CCDC88B: variants seen among roughly 807,000 people sequenced by gnomAD.
The protein encoded by CCDC88B is coiled-coil domain-containing protein 88B.
Under a neutral mutation model 183.7 loss-of-function variants are expected in CCDC88B, and 138 were observed. The ratio of observed to expected loss-of-function variants is 0.75; its 90% confidence interval spans 0.65 to 0.87. The LOEUF is 0.87. Among genes scored for constraint, CCDC88B ranks in the 40% least tolerant of loss-of-function variants. The pLI is 0.00. For missense variants in CCDC88B, 1,822 were observed against 1,965.6 expected (o/e 0.93, Z 1.38); for synonymous variants, 835 against 867.5 (o/e 0.96, Z 0.66).
intron 16 of CCDC88B, among the ~76,000 whole-genome samples, chr11:64,350,888 CAA>C (rs2036302208): frequency 6.6e-6 from 1 of 152,040 alleles, no homozygotes; most frequent in African/African-American, 2.4e-5. Context: ...AACAAAAAAC[CAA>C]ATAGTCTTAG....
rs1591302571 is a variant in CCDC88B at position 64,355,572 on chromosome 11, G to A, written c.4319G>A (p.Gly1440Glu). The A allele has an allele frequency of 6.2e-7, 1 of 1,613,128 alleles. No homozygotes were observed. Among genetic ancestry groups the A allele is most frequent in the Non-Finnish European group, 8.5e-7 (1 of 1,179,776 alleles). ...PVSHSKGPGV[G>E]WENSAETLQE... is the part of the protein sequence containing the mutation. ...TTGTGCCTCCCAGGACCTGGTGTGG[G>A]ATGGGAGAACTCCGCTGAGACCCTG... Residue 1440 changes from glycine (G) to glutamate (E), a missense_variant, in exon 26 of 27, where the codon GGA becomes GAA. Physicochemically the swap from Gly to Glu is moderately conservative, Grantham distance 98. Coordinates refer to ENST00000356786, the MANE Select transcript of CCDC88B (RefSeq NM_032251.6).
chr11:64,351,632 G>A lies in CCDC88B; in HGVS notation c.3099+16G>A. On this transcript the variant is annotated intron_variant, in intron 18 of 26. Transcript: ENST00000356786. ...CCGCCTGCAGGTGGGTGGTGGCCCG[G>A]GTGCCCATCCCTGCCCATGTACTGC... is the stretch of plus-strand genomic sequence containing the variant. The A allele has an allele frequency of 6.4e-7, 1 of 1,552,066 alleles. No homozygotes were observed. Among genetic ancestry groups the A allele is most frequent in the Non-Finnish European group, 8.6e-7 (1 of 1,156,642 alleles).
chr11:64,341,258 T>C lies in CCDC88B; in HGVS notation c.389-12T>C. On this transcript the variant is annotated splice_polypyrimidine_tract_variant and intron_variant, in intron 4 of 26. Coordinates refer to ENST00000356786, the MANE Select transcript of CCDC88B (RefSeq NM_032251.6). Reference sequence around the variant, plus strand: ...CCGCCCCAGTTAACCCCTTGTGGCATGTGCCTTGCAGAAGAAGCGGTGGAG... The same window carrying C: ...CCGCCCCAGTTAACCCCTTGTGGCACGTGCCTTGCAGAAGAAGCGGTGGAG... 3 of 1,614,076 alleles carry C rather than the reference T, an allele frequency of 1.9e-6. No homozygotes were observed. Among genetic ancestry groups the C allele is most frequent in the Non-Finnish European group, 2.5e-6 (3 of 1,180,010 alleles).
In CCDC88B at chr11:64,344,729, C is replaced by G. The variant is rs761161366; in HGVS notation, c.2188C>G (p.Leu730Val). 6.2e-7 allele frequency: 1 copy of G among 1,614,096 alleles called. No individual in the cohort carries two copies. Among genetic ancestry groups the G allele is most frequent in the South Asian group, 1.1e-5 (1 of 91,078 alleles). The change falls in exon 14 of 27, where the codon CTC becomes GTC. Residue 730 changes from leucine to valine, a missense_variant. Physicochemically the swap from Leu to Val is conservative, Grantham distance 32. Transcript: ENST00000356786. This position sits in a 1 kb window ranked among gnomAD's most constrained non-coding sequence, Gnocchi z 4.5. Reference protein sequence around the residue: ...LASGVAEQEALREEVAQLRRK... With the variant: ...LASGVAEQEAVREEVAQLRRK... ...CAGTGGTGTCGCAGAGCAGGAGGCC[C>G]TCAGGGAGGAGGTGGCACAGTTGAG...
chr11:64,342,492 C>T (rs773696926), intron 9 of CCDC88B, 30 bp from the exon 10 acceptor site: 2 of 1,527,908 alleles, frequency 1.3e-6, no homozygotes, highest in South Asian at 2.4e-5. Flanking sequence ...CCGCGGCTGG[C>T]TGTTCCCAGC....
rs574835 is a variant in CCDC88B at position 64,343,196 on chromosome 11, G to A, written c.1080G>A (p.Ser360=). ...CCCACCAGGAGGAGCGGGTGCTCTC[G>A]GGGGTGCTGGAGGCGTCCAAGGCGC... ...KSQLEEERVL[S]GVLEASKALL... Residue 360 remains serine (S), a synonymous_variant, in exon 11 of 27, where the codon TCG becomes TCA. Coordinates refer to ENST00000356786, the MANE Select transcript of CCDC88B (RefSeq NM_032251.6). 533,371 of 1,536,714 alleles carry A rather than the reference G, an allele frequency of 0.35. 96,463 individuals are homozygous for A. Among genetic ancestry groups the A allele is most frequent in the Non-Finnish European group, 0.37 (424,300 of 1,140,816 alleles).
At position 64,344,324 on chromosome 11, in the gene CCDC88B, A is replaced by G; in HGVS notation, c.1783A>G (p.Arg595Gly). The G allele has an allele frequency of 5.0e-6, 8 of 1,613,284 alleles. No individual in the cohort carries two copies. Among genetic ancestry groups the G allele is most frequent in the Non-Finnish European group, 6.8e-6 (8 of 1,179,774 alleles). Residue 595 changes from arginine (R) to glycine (G), a missense_variant, in exon 14 of 27, where the codon AGA (arginine) becomes GGA (glycine). Physicochemically the swap from Arg to Gly is moderately radical, Grantham distance 125. Coordinates refer to ENST00000356786, the MANE Select transcript of CCDC88B (RefSeq NM_032251.6). This position sits in a 1 kb window ranked among gnomAD's most constrained non-coding sequence, Gnocchi z 4.5. The stretch of plus-strand genomic sequence containing the variant: ...GGAGTCCCCGGAGAAGGCTGGCCGT[A>G]GATCCTCTCTCCAGAGCCCTGCCTC... ...TQESPEKAGR[R>G]SSLQSPASVA...
At position 64,342,019 on chromosome 11, in the gene CCDC88B, G is replaced by A. The variant is rs999112943; in HGVS notation, c.701G>A (p.Arg234Gln). Residue 234 changes from arginine (R) to glutamine (Q), a missense_variant, in exon 8 of 27, where the codon CGA (arginine) becomes CAA (glutamine). By Grantham distance (43) the Arg-to-Gln change is conservative (BLOSUM62 1). Transcript: ENST00000356786. ...CGGCTGGCTGAACTGCTGCTGGAGC[G>A]AGAACCCCTCTGCTTGAGGCCTGAG... The part of the protein sequence containing the change: ...AQRLAELLLE[R>Q]EPLCLRPEAP... 5.6e-6 allele frequency: 9 copies of A among 1,612,558 alleles called. No homozygotes were observed. The highest frequency in any genetic ancestry group is 6.8e-6 in the Non-Finnish European group (8 of 1,179,684).
Position 64,352,075 on chromosome 11 carries a change from G to T in CCDC88B, c.3100-55G>T. 2.6e-6 allele frequency: 4 copies of T among 1,510,364 alleles called. No homozygotes were observed. The South Asian group carries it at 5.3e-5, about 20-fold the overall frequency. 93.6% of individuals were successfully genotyped at this position (1,510,364 alleles called of 1,614,324 possible). A position where few individuals can be genotyped will look rare whatever the true frequency, so the allele number is the denominator to read the frequency against. On this transcript the variant is annotated intron_variant, in intron 18 of 26. Transcript: ENST00000356786. Reference sequence around the variant, plus strand: ...GCCCTTAGCCCCCCGCCTCTCACTCGATTTCCAGCCAGGGGTTCCTCCCCA... The same window carrying T: ...GCCCTTAGCCCCCCGCCTCTCACTCTATTTCCAGCCAGGGGTTCCTCCCCA...
intron 14 of CCDC88B, chr11:64,349,127 A>T (rs2036227806): frequency 1.4e-6 from 1 of 736,296 alleles, no homozygotes; most frequent in African/African-American, 1.7e-5. Flanking sequence ...TGCCAGGCTT[A>T]CAACACCCAG....
Position 64,355,594 on chromosome 11 carries a change from C to T in CCDC88B, c.4341C>T (p.Thr1447=), listed in dbSNP as rs1240829965. Residue 1447 remains threonine (T), a synonymous_variant, in exon 26 of 27, where the codon ACC becomes ACT. Transcript: ENST00000356786. ...PGVGWENSAE[T]LQEHETDANR... The stretch of plus-strand genomic sequence containing the variant: ...TGGGATGGGAGAACTCCGCTGAGAC[C>T]CTGCAGGAACACGAAACAGATGCCA... The T allele has an allele frequency of 5.6e-6, 9 of 1,612,234 alleles. No homozygotes were observed. In the East Asian group the frequency reaches 1.8e-4, roughly 32 times the overall value.
At position 64,343,979 on chromosome 11, in the gene CCDC88B, C is replaced by T. The variant is rs770311899; in HGVS notation, c.1456-18C>T. 38 of 1,559,606 alleles carry T rather than the reference C, an allele frequency of 2.4e-5. No homozygotes were observed. Among genetic ancestry groups the T allele is most frequent in the Non-Finnish European group, 3.2e-5 (37 of 1,150,232 alleles). ...TAGTCCCTCCCTGGGCCTGACTGTC[C>T]CTCTCGTATGCCCTCAGCACCCCCT... On this transcript the variant is annotated intron_variant, in intron 13 of 26. Coordinates refer to ENST00000356786, the MANE Select transcript of CCDC88B (RefSeq NM_032251.6).
rs746240590 is a variant in CCDC88B, at chr11:64,351,170, G to T, written c.2873G>T (p.Gly958Val). 8.8e-6 allele frequency: 13 copies of T among 1,484,002 alleles called. No homozygotes were observed. The highest frequency in any genetic ancestry group is 1.2e-5 in the Non-Finnish European group (13 of 1,120,106). 91.9% of individuals were successfully genotyped at this position (1,484,002 alleles called of 1,614,324 possible). Residue 958 changes from glycine to valine, a missense_variant, in exon 17 of 27, where the codon GGC becomes GTC. Physicochemically the swap from Gly to Val is moderately radical, Grantham distance 109 (BLOSUM62 -3). Coordinates refer to ENST00000356786, the MANE Select transcript of CCDC88B (RefSeq NM_032251.6). Reference protein sequence around the residue: ...LEEELFQLRQGPAGLGPKKRA... With the variant: ...LEEELFQLRQVPAGLGPKKRA... Reference sequence around the variant, plus strand: ...GGACTCTCCTTGCAGCTGCGCCAGGGCCCCGCGGGGCTGGGGCCCAAAAAG... The same window carrying T: ...GGACTCTCCTTGCAGCTGCGCCAGGTCCCCGCGGGGCTGGGGCCCAAAAAG...
rs776915333 is a variant in CCDC88B at position 64,357,141 on chromosome 11, A to C, written c.*47A>C. ...GGGAGTGCAGCCTTCTCGGCACTGG[A>C]GTGTCAGCGGAGGCCCCAGGCAGCC... is the stretch of plus-strand genomic sequence containing the variant. On this transcript the variant is annotated 3_prime_UTR_variant, in exon 27 of 27. Coordinates refer to ENST00000356786, the MANE Select transcript of CCDC88B (RefSeq NM_032251.6). 25 of 1,609,104 alleles carry C rather than the reference A, an allele frequency of 1.6e-5. No individual in the cohort carries two copies. In the African/African-American group the frequency reaches 3.1e-4, roughly 20 times the overall value.
intron 8 of CCDC88B, 39 bp downstream of exon 8, chr11:64,342,178 G>C (rs1591275988): frequency 6.3e-7 from 1 of 1,599,342 alleles, no homozygotes; most frequent in Admixed American, 1.7e-5. Flanking sequence ...TGAGTGGAGA[G>C]GGGCAGATTA....
intron 4 of CCDC88B, 26 bp from the exon 5 acceptor site, chr11:64,341,244 A>G: frequency 6.2e-7 from 1 of 1,613,774 alleles, no homozygotes; most frequent in Non-Finnish European, 8.5e-7. Context: ...CGCCCCAGTT[A>G]ACCCCTTGTG....
chr11:64,341,943 G>A, intron 7 of CCDC88B, 51 bp from the exon 8 acceptor site: 7 of 1,578,602 alleles, frequency 4.4e-6, no homozygotes, highest in Non-Finnish European at 5.2e-6. Flanking sequence ...GGGGGTCGAT[G>A]TGCAGAGGCA....
intron 18 of CCDC88B, among the ~76,000 whole-genome samples, chr11:64,351,861 G>C (rs1414850104): frequency 6.6e-6 from 1 of 151,930 alleles, no homozygotes; most frequent in Non-Finnish European, 1.5e-5. Flanking sequence ...CACTGTCCCA[G>C]CCCTCCCCTC....
At chr11:64,352,427 CT>C (rs1165535204) in intron 19 of CCDC88B, 41 bp downstream of exon 19, 1 of 1,495,128 alleles carries the variant, frequency 6.7e-7, no homozygotes, top group Admixed American at 2.1e-5. Flanking sequence ...CTGGCACCCC[CT>C]ATCTGCCAGA....
Sources: allele counts gnomAD v4.1 joint callset (sites outside exome capture counted in the v4.1 genomes callset), GRCh38; gene constraint gnomAD v4.1.1; non-coding constraint Gnocchi (gnomAD v3.1); transcripts MANE v1.5; gene names NCBI Gene and HGNC (gene_info 2026-07-23, HGNC 2026-07-21).